The following UNC13C variants were observed in gnomAD, a reference collection of about 807,000 sequenced individuals.
UNC13C encodes the protein unc-13 homolog C, also known as protein unc-13 homolog C.
A neutral mutation model predicts 245.4 loss-of-function variants in UNC13C; 174 were observed. That is an observed-to-expected ratio of 0.71 (90% CI 0.63 to 0.80). UNC13C has a LOEUF of 0.80. Ranked by LOEUF, UNC13C falls within the 30% of genes least tolerant of loss-of-function variation. The pLI, the probability that UNC13C is intolerant of heterozygous loss-of-function variation, is 0.00. For synonymous variants in UNC13C, 992 were observed against 895.1 expected (o/e 1.11, Z -1.93); for missense variants, 2,829 against 2,602.9 (o/e 1.09, Z -1.89).
chr15:54,337,947 A>G (rs1056972976), intron 16 of UNC13C, among the ~76,000 whole-genome samples: 1 of 152,112 alleles, frequency 6.6e-6, no homozygotes, highest in Non-Finnish European at 1.5e-5. Context: ...TTACTTTTCA[A>G]CATGCATCAT....
At chr15:53,923,888 C>T in the UNC13C span, among the ~76,000 whole-genome samples, 5,652 of 152,282 alleles carry the variant, frequency 0.037, 362 homozygotes, top group African/African-American at 0.13. Flanking sequence ...TTGATTAATC[C>T]AGGTAAGGGC....
rs755456015 is a variant in UNC13C, at chr15:54,013,779, C to T, written c.876C>T (p.Arg292=). 6.2e-7 allele frequency: 1 copy of T among 1,610,942 alleles called. No homozygotes were observed. Among genetic ancestry groups the T allele is most frequent in the East Asian group, 2.2e-5 (1 of 44,842 alleles). The change falls in exon 2 of 33, where the codon CGC becomes CGT. Residue 292 remains arginine, a synonymous_variant. Coordinates refer to ENST00000260323, the MANE Select transcript of UNC13C (RefSeq NM_001080534.3). ...TACAAAGTGAAATTGAGCAGTTGCG[C>T]ACAGGGTTTGTCCAGTCTCGGAGGG... ...EVVQSEIEQL[R]TGFVQSRRET...
the UNC13C span, among the ~76,000 whole-genome samples, chr15:53,881,555 CA>C: frequency 1.3e-5 from 2 of 152,182 alleles, no homozygotes; most frequent in Admixed American, 1.3e-4. Context: ...TAGAGGGTGT[CA>C]ACTTCTAATT....
At chr15:54,517,114 G>A (rs185384155) in intron 24 of UNC13C, among the ~76,000 whole-genome samples, 1 of 152,120 alleles carries the variant, frequency 6.6e-6, no homozygotes, top group East Asian at 1.9e-4. Context: ...GTTAACAGAG[G>A]CCAAATTTTA....
intron 2 of UNC13C, among the ~76,000 whole-genome samples, chr15:54,098,265 G>A (rs1899981033): frequency 6.6e-6 from 1 of 152,088 alleles, no homozygotes; most frequent in South Asian, 2.1e-4. Flanking sequence ...ACCTCTGCCT[G>A]CTGGGTTCAA....
At chr15:53,905,964 G>A in the UNC13C span, among the ~76,000 whole-genome samples, 1 of 152,116 alleles carries the variant, frequency 6.6e-6, no homozygotes, top group East Asian at 1.9e-4. Context: ...TAGAGAATAT[G>A]TAAATATCTA....
the UNC13C span, among the ~76,000 whole-genome samples, chr15:53,841,110 G>A: frequency 6.6e-6 from 1 of 152,074 alleles, no homozygotes; most frequent in East Asian, 1.9e-4. Context: ...CCTACTGTGT[G>A]CCACGCAATT....
rs566966221 is a variant in UNC13C, at chr15:54,452,765, G to C, written c.4933+37698G>C. On this transcript the variant is annotated intron_variant, in intron 19 of 32. Transcript: ENST00000260323. ...GGCCAGTTTGCTTTCAGTGTCGGCA[G>C]CCATAGGTAGCTGGCTGGGGAGTGT... Among the ~76,000 whole-genome samples, 5 of 152,350 alleles carry C rather than the reference G, an allele frequency of 3.3e-5. No individual in the cohort carries two copies. The South Asian group carries it at 1.0e-3, about 32-fold the overall frequency.
chr15:54,209,009 A>AACTTTGACTGCCTTGCCCTAG (rs2034797677), intron 4 of UNC13C, among the ~76,000 whole-genome samples: 1 of 152,068 alleles, frequency 6.6e-6, no homozygotes, highest in African/African-American at 2.4e-5. Context: ...ATGTCACCTA[A>AACTTTGACTGCCTTGCCCTAG]ACTTTGACTG....
At chr15:53,961,979 C>T in the UNC13C span, among the ~76,000 whole-genome samples, 1 of 152,134 alleles carries the variant, frequency 6.6e-6, no homozygotes, top group Non-Finnish European at 1.5e-5. Context: ...TTCTTCACTT[C>T]TGATTTTATT....
chr15:54,161,521 A>G (rs2032973942), intron 4 of UNC13C, among the ~76,000 whole-genome samples: 1 of 152,154 alleles, frequency 6.6e-6, no homozygotes, highest in Non-Finnish European at 1.5e-5. Context: ...ATTAATAACA[A>G]CTGCCAGAAT....
chr15:54,432,720 C>G (rs1250723648), intron 19 of UNC13C, among the ~76,000 whole-genome samples: 1 of 151,816 alleles, frequency 6.6e-6, no homozygotes, highest in Admixed American at 6.6e-5. Flanking sequence ...AATTCAAAAG[C>G]TAGCAGAAGA....
intron 4 of UNC13C, among the ~76,000 whole-genome samples, chr15:54,159,677 T>A (rs191869893): frequency 2.0e-5 from 3 of 152,342 alleles, no homozygotes; most frequent in Non-Finnish European, 4.4e-5. Flanking sequence ...GTTTGGTAGA[T>A]GTATAAGGCT....
At chr15:54,510,402 A>C (rs1001977418) in intron 23 of UNC13C, among the ~76,000 whole-genome samples, 1 of 151,934 alleles carries the variant, frequency 6.6e-6, no homozygotes, top group African/African-American at 2.4e-5. Flanking sequence ...GGCCCTACTC[A>C]CTATGGAAAG....
chr15:54,094,657 A>T (rs995662782), intron 2 of UNC13C, among the ~76,000 whole-genome samples: 24 of 152,200 alleles, frequency 1.6e-4, no homozygotes, highest in African/African-American at 5.5e-4. Flanking sequence ...GATAGCAAAA[A>T]TGTCCTTTGA....
At chr15:53,907,772 T>A in the UNC13C span, among the ~76,000 whole-genome samples, 5 of 148,036 alleles carry the variant, frequency 3.4e-5, no homozygotes, top group South Asian at 1.1e-3. Flanking sequence ...TCTCTATCTA[T>A]CTTCATTGCT....
chr15:53,860,867 G>T, the UNC13C span, among the ~76,000 whole-genome samples: 1 of 152,110 alleles, frequency 6.6e-6, no homozygotes, highest in Admixed American at 6.6e-5. Context: ...GCATCTTCTT[G>T]AAGAGGAGAT....
intron 4 of UNC13C, among the ~76,000 whole-genome samples, chr15:54,171,481 G>A (rs1042127280): frequency 6.6e-6 from 1 of 151,966 alleles, no homozygotes; most frequent in African/African-American, 2.4e-5. Context: ...ACAAACAAAT[G>A]GCAAACAGGT....
chr15:54,205,116 T>C (rs2034666081), intron 4 of UNC13C, among the ~76,000 whole-genome samples: 1 of 152,018 alleles, frequency 6.6e-6, no homozygotes, highest in South Asian at 2.1e-4. Flanking sequence ...TATGACTCCC[T>C]AACGGTCTGT....
Sources: allele counts gnomAD v4.1 joint callset (sites outside exome capture counted in the v4.1 genomes callset), GRCh38; gene constraint gnomAD v4.1.1; transcripts MANE v1.5; gene names NCBI Gene and HGNC (gene_info 2026-07-23, HGNC 2026-07-21).